TTC38: variants seen among roughly 807,000 people sequenced by gnomAD.
TTC38 encodes tetratricopeptide repeat domain 38.
TTC38 carries 64 observed loss-of-function variants against 64.2 expected under a neutral mutation model. The observed-to-expected ratio is 1.00, with a 90% CI of 0.81 to 1.23. TTC38 has a LOEUF of 1.23. Ranked by LOEUF, TTC38 falls within the 50% of genes most tolerant of loss-of-function variation. The pLI is 0.00. For missense variants in TTC38, 573 were observed against 615.5 expected (o/e 0.93, Z 0.73); for synonymous variants, 254 against 249.3 (o/e 1.02, Z -0.18).
rs1349117490 is a variant in TTC38, at chr22:46,268,030, C to G, written c.-10C>G. 6 of 1,537,074 alleles carry G rather than the reference C, an allele frequency of 3.9e-6. No individual in the cohort carries two copies. The highest frequency in any genetic ancestry group is 1.9e-5 in the Admixed American group (1 of 51,534). On this transcript the variant is annotated 5_prime_UTR_variant, in exon 1 of 14. Coordinates refer to ENST00000381031, the MANE Select transcript of TTC38 (RefSeq NM_017931.4). ...CCCAGAGCTCGCGGTGGACTCCGAC[C>G]CGGCGCAACATGGCCGCAGCCTCGC...
chr22:46,287,255 T>C (rs2077578502), intron 10 of TTC38, 101 bp downstream of exon 10: 1 of 1,052,828 alleles, frequency 9.5e-7, no homozygotes, highest in Admixed American at 2.2e-5. Context: ...AGCTCATGGG[T>C]GAGCCGCTCC....
rs1936977299 is a variant in TTC38 at position 46,275,028 on chromosome 22, G to C, written c.366-220G>C. On this transcript the variant is annotated intron_variant, in intron 4 of 13. Coordinates refer to ENST00000381031, the MANE Select transcript of TTC38 (RefSeq NM_017931.4). This position sits in a 1 kb window ranked among gnomAD's most constrained non-coding sequence, Gnocchi z 4.5. The stretch of plus-strand genomic sequence containing the variant: ...AGTAGAGATGGGGTTTCACCATCTT[G>C]GCCAGGCTGGTCTTGAACTCCTGAC... Among the ~76,000 whole-genome samples, 1 of 152,104 alleles carries C rather than the reference G, an allele frequency of 6.6e-6. No homozygotes were observed. Among genetic ancestry groups the C allele is most frequent in the Admixed American group, 6.6e-5 (1 of 15,264 alleles).
At position 46,292,997 on chromosome 22, in the gene TTC38, G is replaced by A. The variant is rs1332061815; in HGVS notation, c.*113G>A. ...CGGCCAGAGCCTGTTTGTTAGGGCT[G>A]TTAGAGGGTGATCTTCAGTTTTACA... is the stretch of plus-strand genomic sequence containing the variant. On this transcript the variant is annotated 3_prime_UTR_variant, in exon 14 of 14. Coordinates refer to ENST00000381031, the MANE Select transcript of TTC38 (RefSeq NM_017931.4). This position sits in a 1 kb window ranked among gnomAD's most constrained non-coding sequence, Gnocchi z 6.5. The A allele has an allele frequency of 1.4e-6, 1 of 735,814 alleles. No homozygotes were observed. Among genetic ancestry groups the A allele is most frequent in the Non-Finnish European group, 2.3e-6 (1 of 429,642 alleles). The allele number at this position is 735,814 out of a possible 1,614,324, so 45.6% of individuals were successfully genotyped here.
intron 5 of TTC38, among the ~76,000 whole-genome samples, chr22:46,277,850 G>C (rs1238329533): frequency 2.0e-5 from 3 of 152,164 alleles, no homozygotes; most frequent in Admixed American, 1.3e-4. Flanking sequence ...AGGTCACGGA[G>C]GCTTCCCAGG....
At chr22:46,284,421 A>T (rs754645640) in intron 8 of TTC38, among the ~76,000 whole-genome samples, 1 of 152,234 alleles carries the variant, frequency 6.6e-6, no homozygotes, top group African/African-American at 2.4e-5. Flanking sequence ...TGTCACTTGC[A>T]GTGCTCCTTA....
In TTC38 at chr22:46,291,655, T is replaced by C. The variant is rs2077616740; in HGVS notation, c.1317-1136T>C. The stretch of plus-strand genomic sequence containing the variant: ...GTCTTAGTCAGTTTGGGTTGTTATT[T>C]TAAAAGTGCCACAGACAGGCCGGGC... On this transcript the variant is annotated intron_variant, in intron 13 of 13. Transcript: ENST00000381031. The surrounding 1 kb of genome is among the most constrained non-coding windows in gnomAD (Gnocchi z 4.6). 6.6e-6 allele frequency among the ~76,000 whole-genome samples: 1 copy of C among 152,154 alleles called. No homozygotes were observed. Among genetic ancestry groups the C allele is most frequent in the African/African-American group, 2.4e-5 (1 of 41,430 alleles).
rs945432276 is a variant in TTC38 at position 46,291,406 on chromosome 22, T to C, written c.1317-1385T>C. Among the ~76,000 whole-genome samples the C allele has an allele frequency of 1.3e-5, 2 of 152,076 alleles. No individual in the cohort carries two copies. Among genetic ancestry groups the C allele is most frequent in the African/African-American group, 2.4e-5 (1 of 41,410 alleles). ...GGGGGAGGGCAGGGGGAGAGCAGGC[T>C]GCACAGGGAGCCGACTGCATTAGGA... is the stretch of plus-strand genomic sequence containing the variant. On this transcript the variant is annotated intron_variant, in intron 13 of 13. Transcript: ENST00000381031. The surrounding 1 kb of genome is among the most constrained non-coding windows in gnomAD (Gnocchi z 4.6).
In TTC38 at chr22:46,281,742, C is replaced by T. The variant is rs1048375585; in HGVS notation, c.735+24C>T. The T allele has an allele frequency of 1.2e-6, 2 of 1,612,940 alleles. No individual in the cohort carries two copies. The highest frequency in any genetic ancestry group is 8.5e-7 in the Non-Finnish European group (1 of 1,179,868). The stretch of plus-strand genomic sequence containing the variant: ...AGGTATGATGCTTGTCAATGGGTCA[C>T]CTCCCTGGGAAATTCAGTGCATCCC... On this transcript the variant is annotated intron_variant, in intron 7 of 13. Coordinates refer to ENST00000381031, the MANE Select transcript of TTC38 (RefSeq NM_017931.4). The surrounding 1 kb of genome is among the most constrained non-coding windows in gnomAD (Gnocchi z 5.2).
At chr22:46,283,851 C>CAA (rs58477670) in intron 7 of TTC38, 122 bp from the exon 8 acceptor site, 2,610 of 209,962 alleles carry the variant, frequency 0.012, 22 homozygotes, top group African/African-American at 0.024. Flanking sequence ...GACTTAGTCT[C>CAA]AAAAAAAAAA....
At chr22:46,280,485 C>A (rs914282830) in intron 6 of TTC38, among the ~76,000 whole-genome samples, 3 of 152,262 alleles carry the variant, frequency 2.0e-5, no homozygotes, top group African/African-American at 7.2e-5. Flanking sequence ...ACCCTTCACT[C>A]CTGCCATTCG....
intron 6 of TTC38, chr22:46,280,024 C>G (rs1462152262): frequency 2.3e-6 from 1 of 432,240 alleles, no homozygotes; most frequent in Admixed American, 2.6e-5. Flanking sequence ...GGGTCCCCTC[C>G]CTTCTCCATT....
rs1034934340 is a variant in TTC38 at position 46,293,002 on chromosome 22, A to G, written c.*118A>G. 2.8e-6 allele frequency: 2 copies of G among 713,160 alleles called. No individual in the cohort carries two copies. Among genetic ancestry groups the G allele is most frequent in the African/African-American group, 1.8e-5 (1 of 57,024 alleles). The allele number at this position is 713,160 out of a possible 1,614,324, so 44.2% of individuals were successfully genotyped here. A position where few individuals can be genotyped will look rare whatever the true frequency, so the allele number is the denominator to read the frequency against. On this transcript the variant is annotated 3_prime_UTR_variant, in exon 14 of 14. Transcript: ENST00000381031. This position sits in a 1 kb window ranked among gnomAD's most constrained non-coding sequence, Gnocchi z 6.6. ...AGAGCCTGTTTGTTAGGGCTGTTAG[A>G]GGGTGATCTTCAGTTTTACAGGAAG... is the stretch of plus-strand genomic sequence containing the variant.
At position 46,292,515 on chromosome 22, in the gene TTC38, C is replaced by T. The variant is rs1399456682; in HGVS notation, c.1317-276C>T. ...CCACAGCAGGGTCTTTACCTCAAACCGTACCTGGGTCTTCTCTCTTCAAAC... is the reference window on the plus strand; with the variant it reads ...CCACAGCAGGGTCTTTACCTCAAACTGTACCTGGGTCTTCTCTCTTCAAAC... On this transcript the variant is annotated intron_variant, in intron 13 of 13. Transcript: ENST00000381031. The surrounding 1 kb of genome is among the most constrained non-coding windows in gnomAD (Gnocchi z 6.5). 4.6e-5 allele frequency among the ~76,000 whole-genome samples: 7 copies of T among 152,238 alleles called. No individual in the cohort carries two copies. The highest frequency in any genetic ancestry group is 3.9e-4 in the East Asian group (2 of 5,194).
rs1474656697 is a variant in TTC38 at position 46,292,253 on chromosome 22, A to T, written c.1317-538A>T. On this transcript the variant is annotated intron_variant, in intron 13 of 13. Transcript: ENST00000381031. This position sits in a 1 kb window ranked among gnomAD's most constrained non-coding sequence, Gnocchi z 6.5. ...GGTTGGAATGCAGTGGTGTGATCAC[A>T]GTTCACTGTAAACTCAAACTCCTGG... 2 of 444,436 alleles carry T rather than the reference A, an allele frequency of 4.5e-6. No homozygotes were observed. Among genetic ancestry groups the T allele is most frequent in the African/African-American group, 4.0e-5 (2 of 49,572 alleles). 27.5% of individuals were successfully genotyped at this position (444,436 alleles called of 1,614,324 possible).
At position 46,281,876 on chromosome 22, in the gene TTC38, C is replaced by A; in HGVS notation, c.735+158C>A. 1.0e-6 allele frequency: 1 copy of A among 985,150 alleles called. No homozygotes were observed. The highest frequency in any genetic ancestry group is 1.5e-6 in the Non-Finnish European group (1 of 646,316). 61.0% of individuals were successfully genotyped at this position (985,150 alleles called of 1,614,324 possible). ...CTGCCTCAGGTGTTTGGCTGCTGAGCAGAATGCAATCAAGATTCCAGTCCC... is the reference window on the plus strand; with the variant it reads ...CTGCCTCAGGTGTTTGGCTGCTGAGAAGAATGCAATCAAGATTCCAGTCCC... On this transcript the variant is annotated intron_variant, in intron 7 of 13. Transcript: ENST00000381031. The surrounding 1 kb of genome is among the most constrained non-coding windows in gnomAD (Gnocchi z 5.2).
Position 46,276,078 on chromosome 22 carries a change from C to T in TTC38, c.539+657C>T, listed in dbSNP as rs917283277. On this transcript the variant is annotated intron_variant, in intron 5 of 13. Coordinates refer to ENST00000381031, the MANE Select transcript of TTC38 (RefSeq NM_017931.4). This position sits in a 1 kb window ranked among gnomAD's most constrained non-coding sequence, Gnocchi z 4.7. ...TTACAGAATAGTTGTGAGGTTCGGA[C>T]AGGTTAATAAGCTGTATTATTTAGT... Among the ~76,000 whole-genome samples the T allele has an allele frequency of 6.6e-6, 1 of 151,598 alleles. No homozygotes were observed. Among genetic ancestry groups the T allele is most frequent in the Non-Finnish European group, 1.5e-5 (1 of 67,582 alleles).
chr22:46,281,867 G>A lies in TTC38; in HGVS notation c.735+149G>A. 9.4e-7 allele frequency: 1 copy of A among 1,065,448 alleles called. No individual in the cohort carries two copies. Among genetic ancestry groups the A allele is most frequent in the Non-Finnish European group, 1.4e-6 (1 of 716,010 alleles). 66.0% of individuals were successfully genotyped at this position (1,065,448 alleles called of 1,614,324 possible). ...CACCTGCACCTGCCTCAGGTGTTTG[G>A]CTGCTGAGCAGAATGCAATCAAGAT... is the stretch of plus-strand genomic sequence containing the variant. On this transcript the variant is annotated intron_variant, in intron 7 of 13. Coordinates refer to ENST00000381031, the MANE Select transcript of TTC38 (RefSeq NM_017931.4). The surrounding 1 kb of genome is among the most constrained non-coding windows in gnomAD (Gnocchi z 5.2).
rs2077494802 is a variant in TTC38 at position 46,276,973 on chromosome 22, C to T, written c.539+1552C>T. Among the ~76,000 whole-genome samples, 1 of 150,652 alleles carries T rather than the reference C, an allele frequency of 6.6e-6. No homozygotes were observed. The highest frequency in any genetic ancestry group is 1.5e-5 in the Non-Finnish European group (1 of 67,820). On this transcript the variant is annotated intron_variant, in intron 5 of 13. Transcript: ENST00000381031. The surrounding 1 kb of genome is among the most constrained non-coding windows in gnomAD (Gnocchi z 4.7). Reference sequence around the variant, plus strand: ...TCATGAAACCTAATAGTACCTGACACACAGCAAACATACAATAAATAGCTT... The same window carrying T: ...TCATGAAACCTAATAGTACCTGACATACAGCAAACATACAATAAATAGCTT...
rs1222784169 is a variant in TTC38 at position 46,291,750 on chromosome 22, T to A, written c.1317-1041T>A. ...CGGGTGGATCACCTGAGGTCAGGAG[T>A]TCAAGACCAGCCTGGCTAATATGGT... On this transcript the variant is annotated intron_variant, in intron 13 of 13. Transcript: ENST00000381031. This position sits in a 1 kb window ranked among gnomAD's most constrained non-coding sequence, Gnocchi z 4.6. Among the ~76,000 whole-genome samples the A allele has an allele frequency of 2.0e-5, 3 of 151,014 alleles. No homozygotes were observed. Among genetic ancestry groups the A allele is most frequent in the Admixed American group, 2.0e-4 (3 of 15,140 alleles).
Sources: allele counts gnomAD v4.1 joint callset (sites outside exome capture counted in the v4.1 genomes callset), GRCh38; gene constraint gnomAD v4.1.1; non-coding constraint Gnocchi (gnomAD v3.1); transcripts MANE v1.5; gene names NCBI Gene and HGNC (gene_info 2026-07-23, HGNC 2026-07-21).